NLRP2: variants seen among roughly 807,000 people sequenced by gnomAD.
The protein encoded by NLRP2 is NACHT, LRR and PYD domains-containing protein 2.
NLRP2 carries 107 observed loss-of-function variants against 97.2 expected under a neutral mutation model. The ratio of observed to expected loss-of-function variants is 1.10; its 90% CI spans 0.94 to 1.29. NLRP2 has a LOEUF of 1.29. Ranked by LOEUF, NLRP2 falls within the 50% of genes most tolerant of loss-of-function variation. The pLI is 0.00. For missense variants in NLRP2, 1,495 were observed against 1,330.3 expected, an observed-to-expected ratio of 1.12 and a Z score of -1.93; for synonymous variants, 663 against 551.5, an observed-to-expected ratio of 1.20 and a Z score of -2.83.
intron 12 of NLRP2, among the ~76,000 whole-genome samples, chr19:55,000,367 C>T (rs2073113126): frequency 1.4e-5 from 2 of 143,932 alleles, no homozygotes; most frequent in South Asian, 4.5e-4. Flanking sequence ...AGCTCCGCCT[C>T]CCGGGTTCAC....
At chr19:54,974,122 G>A (rs949446197) in intron 2 of NLRP2, 32 of 691,772 alleles carry the variant, frequency 4.6e-5, no homozygotes, top group Non-Finnish European at 8.0e-5. Context: ...TTGGGAGGCC[G>A]AGGTGGGCGG....
chr19:54,968,323 A>G (rs1276891999), intron 1 of NLRP2, among the ~76,000 whole-genome samples: 1 of 151,550 alleles, frequency 6.6e-6, no homozygotes, highest in Non-Finnish European at 1.5e-5. Context: ...GGGGATTGCA[A>G]GCGTCAGCCA....
At chr19:54,991,049 A>G (rs2072443797) in intron 10 of NLRP2, 1 of 282,630 alleles carries the variant, frequency 3.5e-6, no homozygotes, top group Admixed American at 4.8e-5. Flanking sequence ...ATGTCACCCC[A>G]TGCTGTGTTT....
At chr19:54,975,101 G>GTTTTTTTTTT (rs1190231820) in intron 3 of NLRP2, among the ~76,000 whole-genome samples, 4 of 83,098 alleles carry the variant, frequency 4.8e-5, no homozygotes, top group Admixed American at 1.6e-4. Context: ...ACCACACCCG[G>GTTTTTTTTTT]TTTTGTTTTT....
chr19:54,984,485 CTTTT>C (rs36061621), intron 6 of NLRP2, among the ~76,000 whole-genome samples: 2 of 76,922 alleles, frequency 2.6e-5, no homozygotes, highest in Admixed American at 1.5e-4. Context: ...TATTCCCAAT[CTTTT>C]TTTTTTTTTT....
chr19:55,000,727 AAAGT>A lies in NLRP2; in HGVS notation c.3051-30_3051-27del. On this transcript the variant is annotated intron_variant, in intron 12 of 12. Coordinates refer to ENST00000448584, the MANE Select transcript of NLRP2 (RefSeq NM_017852.5). ...TTTGAAACAAATCTCCTTGATGCAC[AAAGT>A]AACCTTTTCTTCCCCCATTGTACCC... is the stretch of plus-strand genomic sequence containing the variant. 2.5e-6 allele frequency: 4 copies of A among 1,611,900 alleles called. No individual in the cohort carries two copies. In the South Asian group the frequency reaches 4.4e-5, roughly 18 times the overall value.
chr19:54,985,627 A>G (rs775902), intron 7 of NLRP2, among the ~76,000 whole-genome samples: 62,710 of 148,464 alleles, frequency 0.42, 13,875 homozygotes, highest in African/African-American at 0.56. Context: ...GCAGTGAACC[A>G]AGATCCTGCC....
At chr19:54,986,417 T>G (rs1040332375) in intron 8 of NLRP2, 102 bp downstream of exon 8, 1 of 1,045,100 alleles carries the variant, frequency 9.6e-7, no homozygotes, top group African/African-American at 1.6e-5. Context: ...TTATTCTGAC[T>G]AGAAACAGTA....
At chr19:54,998,642 T>A in intron 12 of NLRP2, among the ~76,000 whole-genome samples, 1 of 138,596 alleles carries the variant, frequency 7.2e-6, no homozygotes, top group Non-Finnish European at 1.6e-5. Flanking sequence ...TTTTTTTTTT[T>A]TTTTTTTTTT....
At chr19:54,965,527 C>T (rs1345735255), upstream of NLRP2, 5 of 97,486 alleles carry the variant, frequency 5.1e-5, 2 homozygotes, top group African/African-American at 2.2e-4. Flanking sequence ...GCGATCTCTG[C>T]TCACTGCAAG....
chr19:54,972,766 C>A (rs755677390), intron 2 of NLRP2, among the ~76,000 whole-genome samples: 25 of 152,088 alleles, frequency 1.6e-4, no homozygotes, highest in Non-Finnish European at 3.7e-4. Flanking sequence ...GCCAGTGCAG[C>A]TTTATTTACA....
At chr19:54,968,923 G>C (rs554655129) in intron 1 of NLRP2, among the ~76,000 whole-genome samples, 4 of 151,280 alleles carry the variant, frequency 2.6e-5, no homozygotes, top group Admixed American at 6.6e-5. Context: ...GGATGGTCTC[G>C]ATCTCCTGAC....
At position 54,983,451 on chromosome 19, in the gene NLRP2, T is replaced by A; in HGVS notation, c.1753T>A (p.Leu585Met). 6.2e-7 allele frequency: 1 copy of A among 1,614,158 alleles called. No homozygotes were observed. The highest frequency in any genetic ancestry group is 2.2e-5 in the East Asian group (1 of 44,886). The change falls in exon 6 of 13, where the codon TTG (leucine) becomes ATG (methionine). Residue 585 changes from leucine (L) to methionine (M), a missense_variant. Leu to Met is a conservative substitution (Grantham distance 15). Transcript: ENST00000448584. ...CRMSPDIKQELLRCDISCKGG... is the reference protein window; with the variant it reads ...CRMSPDIKQEMLRCDISCKGG... ...GATGTCACCGGACATCAAACAGGAATTGCTGCGATGCGACATAAGTTGTAA... is the reference window on the plus strand; with the variant it reads ...GATGTCACCGGACATCAAACAGGAAATGCTGCGATGCGACATAAGTTGTAA...
chr19:54,965,348 C>T (rs2070321269), upstream of NLRP2: 1 of 103,844 alleles, frequency 9.6e-6, no homozygotes, highest in Non-Finnish European at 2.0e-5. Flanking sequence ...GCCCTCATCT[C>T]CGCCGGCGAG....
intron 3 of NLRP2, chr19:54,976,793 A>G (rs2071256705): frequency 2.7e-6 from 1 of 365,026 alleles, no homozygotes; most frequent in African/African-American, 3.2e-5. Flanking sequence ...TGTTATTAGG[A>G]TTCCACCTTG....
At chr19:54,976,179 C>G (rs113365831) in intron 3 of NLRP2, among the ~76,000 whole-genome samples, 1 of 151,868 alleles carries the variant, frequency 6.6e-6, no homozygotes, top group East Asian at 1.9e-4. Flanking sequence ...CTCAGCCTCC[C>G]GAGTAGCTGG....
At chr19:54,967,232 C>T (rs2070509028) in intron 1 of NLRP2, among the ~76,000 whole-genome samples, 1 of 152,092 alleles carries the variant, frequency 6.6e-6, no homozygotes, top group Non-Finnish European at 1.5e-5. Context: ...CCTGTAATCG[C>T]AGCGCTTTGG....
intron 4 of NLRP2, among the ~76,000 whole-genome samples, chr19:54,979,864 C>T (rs1323912323): frequency 3.3e-5 from 5 of 152,030 alleles, no homozygotes; most frequent in Non-Finnish European, 7.4e-5. Context: ...GCAACCTCTG[C>T]TACCCAGGTT....
At chr19:54,972,996 C>T (rs891199767) in intron 2 of NLRP2, among the ~76,000 whole-genome samples, 5 of 152,054 alleles carry the variant, frequency 3.3e-5, no homozygotes, top group East Asian at 1.9e-4. Context: ...TGAGACCAGT[C>T]AGGCCAATGT....
Sources: gnomAD v4.1 joint callset for allele counts (sites outside exome capture counted in the v4.1 genomes callset) on GRCh38, gnomAD v4.1.1 for gene constraint, MANE v1.5 for transcripts, NCBI Gene and HGNC (gene_info 2026-07-23, HGNC 2026-07-21) for gene names.